The following DDX24 variants were observed in gnomAD, a reference collection of about 807,000 sequenced individuals.
DDX24 encodes the protein ATP-dependent RNA helicase DDX24.
DDX24 carries 24 observed loss-of-function variants against 68.9 expected under a neutral mutation model. The ratio of observed to expected loss-of-function variants is 0.35; its 90% CI spans 0.25 to 0.49. The LOEUF is 0.49. DDX24 is among the 20% of genes least tolerant of loss of function. The pLI is 0.99. For synonymous variants in DDX24, 395 were observed against 385.2 expected (o/e 1.03, Z -0.30); for missense variants, 989 against 1,039.0 (o/e 0.95, Z 0.66).
intron 3 of DDX24, 142 bp from the exon 4 acceptor site, chr14:94,061,208 G>T: frequency 1.0e-6 from 1 of 964,668 alleles, no homozygotes; most frequent in Non-Finnish European, 1.6e-6. Flanking sequence ...AGCAGGCCTG[G>T]CCAGACTGTT....
At chr14:94,061,967 G>A (rs925670935) in intron 3 of DDX24, 130 bp downstream of exon 3, 1 of 1,041,260 alleles carries the variant, frequency 9.6e-7, no homozygotes, top group African/African-American at 1.6e-5. Flanking sequence ...ATTTTCTGTA[G>A]GGCTTAATTG....
chr14:94,061,763 AG>A (rs1885601711), intron 3 of DDX24, among the ~76,000 whole-genome samples: 1 of 152,168 alleles, frequency 6.6e-6, no homozygotes, highest in Non-Finnish European at 1.5e-5. Context: ...TCACCTTTGT[AG>A]TACAAAACCA....
intron 6 of DDX24, chr14:94,057,040 C>T (rs1481598830): frequency 2.0e-5 from 3 of 152,174 alleles, no homozygotes; most frequent in East Asian, 3.8e-4. Context: ...ACTGTGCTAC[C>T]GGCTTCATCA....
chr14:94,059,987 A>T, intron 5 of DDX24, 111 bp downstream of exon 5: 1 of 1,325,426 alleles, frequency 7.5e-7, no homozygotes, highest in Middle Eastern at 2.6e-4. Flanking sequence ...TACTACTGAG[A>T]CAAGGCCCCT....
rs1386764796 is a variant in DDX24 at position 94,057,695 on chromosome 14, G to A, written c.1989+127C>T. 8 of 828,312 alleles carry A rather than the reference G, an allele frequency of 9.7e-6. 1 individual carries two copies. The highest frequency in any genetic ancestry group is 7.5e-5 in the South Asian group (4 of 52,986). The allele number at this position is 828,312 out of a possible 1,614,324, so 51.3% of individuals were successfully genotyped here. ...GCAAAAGTGGGAGTAGTGGGCACTC[G>A]ATGCCAGTGGTATTCTCTGATGCAA... is the stretch of plus-strand genomic sequence containing the variant. On this transcript the variant is annotated intron_variant, in intron 6 of 8. Transcript: ENST00000621632.
In DDX24 at chr14:94,079,314, T is replaced by G. The variant is rs773942466; in HGVS notation, c.429A>C (p.Thr143=). 6.2e-7 allele frequency: 1 copy of G among 1,614,186 alleles called. No homozygotes were observed. The highest frequency in any genetic ancestry group is 1.7e-5 in the Admixed American group (1 of 60,020). ...VCDDPEAGEM[T]SENLVQTAPK... Reference sequence around the variant, plus strand: ...GAGCAGTTTGGACCAGGTTTTCTGATGTCATCTCCCCAGCCTCCGGATCAT... The same window carrying G: ...GAGCAGTTTGGACCAGGTTTTCTGAGGTCATCTCCCCAGCCTCCGGATCAT... Residue 143 remains threonine (T), a synonymous_variant, in exon 2 of 9, where the codon ACA becomes ACC. Coordinates refer to ENST00000621632, the MANE Select transcript of DDX24 (RefSeq NM_020414.4).
In DDX24 at chr14:94,062,246, T is replaced by G. The variant is rs1401395274; in HGVS notation, c.1094A>C (p.Gln365Pro). ...CAACTCCTGTTTTAGATTTCCAGTC[T>G]GCTCTTTATCAAGATTTTCCTCCTC... is the stretch of plus-strand genomic sequence containing the variant. ...ENEEENLDKE[Q>P]TGNLKQELDD... is the part of the protein sequence containing the mutation. The change falls in exon 3 of 9, where the codon CAG (glutamine) becomes CCG (proline). Residue 365 changes from glutamine (Q) to proline (P), a missense_variant. Transcript: ENST00000621632. 1 of 1,614,046 alleles carries G rather than the reference T, an allele frequency of 6.2e-7. No individual in the cohort carries two copies.
chr14:94,070,306 G>A (rs1003716309), intron 2 of DDX24, among the ~76,000 whole-genome samples: 34 of 151,174 alleles, frequency 2.2e-4, no homozygotes, highest in African/African-American at 8.3e-4. Flanking sequence ...GCCTAACAAA[G>A]GAGTCAAAAG....
chr14:94,051,108 G>A lies in DDX24; in HGVS notation c.*83C>T. 2 of 1,459,894 alleles carry A rather than the reference G, an allele frequency of 1.4e-6. No homozygotes were observed. Among genetic ancestry groups the A allele is most frequent in the Non-Finnish European group, 1.8e-6 (2 of 1,100,384 alleles). 90.4% of individuals were successfully genotyped at this position (1,459,894 alleles called of 1,614,324 possible). On this transcript the variant is annotated 3_prime_UTR_variant, in exon 9 of 9. Transcript: ENST00000621632. ...GACTTTTTTACCTGGGGTTGGTGGT[G>A]GAGTGAAACACAAGGGTGGGAGAGG...
At chr14:94,063,128 G>T (rs1438584604) in intron 2 of DDX24, among the ~76,000 whole-genome samples, 1 of 152,186 alleles carries the variant, frequency 6.6e-6, no homozygotes, top group Non-Finnish European at 1.5e-5. Flanking sequence ...CTCAGGCTGA[G>T]AATTTAAAGA....
At chr14:94,052,625 GACT>G (rs1885408499) in intron 8 of DDX24, among the ~76,000 whole-genome samples, 1 of 152,240 alleles carries the variant, frequency 6.6e-6, no homozygotes, top group Non-Finnish European at 1.5e-5. Flanking sequence ...GTAGGTAGTT[GACT>G]ACTTCCATTT....
intron 2 of DDX24, among the ~76,000 whole-genome samples, chr14:94,072,964 C>T (rs1885862870): frequency 6.9e-6 from 1 of 144,886 alleles, no homozygotes; most frequent in African/African-American, 2.5e-5. Context: ...AAATAAAAAA[C>T]AGAAATGTGA....
chr14:94,055,049 C>A lies in DDX24; in HGVS notation c.2125G>T (p.Asp709Tyr). ...FKKIYKTLKK[D>Y]EDIPLFPVQT... ...ACGGGGAACAGTGGGATATCCTCAT[C>A]TTTCTTGAGCGTTTTGTAAATCTTC... The change falls in exon 7 of 9, where the codon GAT (aspartate) becomes TAT (tyrosine). Residue 709 changes from aspartate to tyrosine, a missense_variant. Physicochemically the swap from Asp to Tyr is radical, Grantham distance 160. Transcript: ENST00000621632. The A allele has an allele frequency of 6.2e-7, 1 of 1,614,226 alleles. No individual in the cohort carries two copies. The highest frequency in any genetic ancestry group is 2.2e-5 in the East Asian group (1 of 44,888).
chr14:94,051,422 C>T lies in DDX24; in HGVS notation c.2349G>A (p.Lys783=), dbSNP rs765644935. Residue 783 remains lysine, a synonymous_variant, in exon 9 of 9, where the codon AAG becomes AAA. Transcript: ENST00000621632. ...ADQQEERRRQ[K]QMKVLKKELR... ...GCTCCTTCTTCAGAACCTTCATCTG[C>T]TTTTGTCTCCGACGTTCTTCTTGCT... 8.8e-6 allele frequency: 14 copies of T among 1,585,182 alleles called. No individual in the cohort carries two copies. The highest frequency in any genetic ancestry group is 1.2e-5 in the Non-Finnish European group (14 of 1,168,108).
intron 7 of DDX24, among the ~76,000 whole-genome samples, chr14:94,053,939 A>T (rs368890808): frequency 6.6e-6 from 1 of 152,358 alleles, no homozygotes. Context: ...CCAGTGGGCA[A>T]CCATTACCCG....
intron 7 of DDX24, 100 bp from the exon 8 acceptor site, chr14:94,053,227 C>A: frequency 6.6e-7 from 1 of 1,511,450 alleles, no homozygotes. Flanking sequence ...AGGCAGGTAT[C>A]ACTCTGCTGC....
chr14:94,061,833 A>G (rs1385637651), intron 3 of DDX24, among the ~76,000 whole-genome samples: 1 of 152,192 alleles, frequency 6.6e-6, no homozygotes, highest in Admixed American at 6.5e-5. Flanking sequence ...CTTTATTTAT[A>G]AAACCAGACA....
At position 94,079,625 on chromosome 14, in the gene DDX24, C is replaced by T; in HGVS notation, c.118G>A (p.Ala40Thr). Residue 40 changes from alanine to threonine, a missense_variant, in exon 2 of 9, where the codon GCA (alanine) becomes ACA (threonine). Coordinates refer to ENST00000621632, the MANE Select transcript of DDX24 (RefSeq NM_020414.4). ...KEVKIDPNMF[A>T]DGQMDDLVCF... ...ACCAAGTCATCCATCTGTCCATCTGCAAACATATTTGGGTCAATCTTCACT... is the reference window on the plus strand; with the variant it reads ...ACCAAGTCATCCATCTGTCCATCTGTAAACATATTTGGGTCAATCTTCACT... 6.2e-7 allele frequency: 1 copy of T among 1,614,178 alleles called. No individual in the cohort carries two copies. Among genetic ancestry groups the T allele is most frequent in the Non-Finnish European group, 8.5e-7 (1 of 1,180,036 alleles).
In DDX24 at chr14:94,050,885, TA is replaced by T. The variant is rs34711184; in HGVS notation, c.*305del. On this transcript the variant is annotated 3_prime_UTR_variant, in exon 9 of 9. Coordinates refer to ENST00000621632, the MANE Select transcript of DDX24 (RefSeq NM_020414.4). ...TACACCACCACCCCCATCTTCTATC[TA>T]AAAAAAAAAAAAAAAAATCAGGATG... The T allele has an allele frequency of 0.14, 30,437 of 225,300 alleles. 32 individuals are homozygous for T. Among genetic ancestry groups the T allele is most frequent in the Middle Eastern group, 0.2 (151 of 764 alleles). 14.0% of individuals were successfully genotyped at this position (225,300 alleles called of 1,614,324 possible). A position where few individuals can be genotyped will look rare whatever the true frequency, so the allele number is the denominator to read the frequency against.
Sources: allele counts gnomAD v4.1 joint callset (sites outside exome capture counted in the v4.1 genomes callset), GRCh38; gene constraint gnomAD v4.1.1; transcripts MANE v1.5; gene names NCBI Gene and HGNC (gene_info 2026-07-23, HGNC 2026-07-21).